The following CLDN14 variants were observed in gnomAD, a reference collection of about 807,000 sequenced individuals.
CLDN14 encodes claudin-14.
In CLDN14, 2 loss-of-function variants were observed where a neutral mutation model predicts 2.1. That is an observed-to-expected ratio of 0.96 (90% CI 0.39 to 3.01). The LOEUF (loss-of-function observed/expected upper bound fraction) is 3.01. Ranked by LOEUF, CLDN14 falls within the 30% of genes most tolerant of loss-of-function variation. CLDN14 has a pLI of 0.09. For synonymous variants in CLDN14, 136 were observed against 154.4 expected (o/e 0.88, Z 0.88); for missense variants, 298 against 328.0 (o/e 0.91, Z 0.71).
chr21:36,487,985 C>T (rs770862307), intron 2 of CLDN14, among the ~76,000 whole-genome samples: 4 of 152,178 alleles, frequency 2.6e-5, no homozygotes, highest in Non-Finnish European at 5.9e-5. Flanking sequence ...AGTAGAGACT[C>T]AAACAGGTGT....
At chr21:36,565,437 A>G (rs1479876720) in intron 1 of CLDN14, among the ~76,000 whole-genome samples, 1 of 151,572 alleles carries the variant, frequency 6.6e-6, no homozygotes, top group African/African-American at 2.4e-5. Context: ...TTTTTTAAAT[A>G]TGCAACTCTG....
rs188494171 is a variant in CLDN14, at chr21:36,498,207, G to T, written c.-82+12156C>A. 1.5e-3 allele frequency among the ~76,000 whole-genome samples: 222 copies of T among 152,186 alleles called. No individual in the cohort carries two copies. The highest frequency in any genetic ancestry group is 5.0e-3 in the African/African-American group (209 of 41,520). On this transcript the variant is annotated intron_variant, in intron 2 of 2. Transcript: ENST00000342108. This position sits in a 1 kb window ranked among gnomAD's most constrained non-coding sequence, Gnocchi z 4.9. ...GTAGAGATGGGGTTTTGCCATATTG[G>T]CCAGGCTGGTGTCGAACTCCTGACC...
At chr21:36,550,586 G>A (rs1380635387) in intron 1 of CLDN14, among the ~76,000 whole-genome samples, 1 of 152,124 alleles carries the variant, frequency 6.6e-6, no homozygotes, top group African/African-American at 2.4e-5. Flanking sequence ...CATCAGCCCG[G>A]TTTCTAACCT....
At chr21:36,557,258 GATA>G (rs2087605169) in intron 1 of CLDN14, among the ~76,000 whole-genome samples, 1 of 152,172 alleles carries the variant, frequency 6.6e-6, no homozygotes, top group African/African-American at 2.4e-5. Flanking sequence ...ACATGAGAAT[GATA>G]ATATCTGTTT....
rs971155732 is a variant in CLDN14 at position 36,499,661 on chromosome 21, T to G, written c.-82+10702A>C. ...GCCCCTGTTCCAGTCCACGTGACTC[T>G]TATGCATCATGATGTTGAGATTCAC... On this transcript the variant is annotated intron_variant, in intron 2 of 2. Transcript: ENST00000342108. This position sits in a 1 kb window ranked among gnomAD's most constrained non-coding sequence, Gnocchi z 4.7. Among the ~76,000 whole-genome samples, 1 of 152,196 alleles carries G rather than the reference T, an allele frequency of 6.6e-6. No individual in the cohort carries two copies. The highest frequency in any genetic ancestry group is 2.4e-5 in the African/African-American group (1 of 41,448).
intron 1 of CLDN14, among the ~76,000 whole-genome samples, chr21:36,514,970 A>G (rs1455886975): frequency 6.6e-6 from 1 of 152,190 alleles, no homozygotes; most frequent in Admixed American, 6.5e-5. Flanking sequence ...TTCAGGGGCC[A>G]TAAATGCTCA....
chr21:36,571,495 A>C (rs1290062589), intron 1 of CLDN14, among the ~76,000 whole-genome samples: 2 of 152,132 alleles, frequency 1.3e-5, no homozygotes, highest in Admixed American at 1.3e-4. Flanking sequence ...TGACTTACGA[A>C]ATCCCAAGCG....
chr21:36,482,209 A>G (rs2850112), upstream of CLDN14, among the ~76,000 whole-genome samples: 46,991 of 152,160 alleles, frequency 0.31, 8,366 homozygotes, highest in African/African-American at 0.5. Flanking sequence ...GGGGTAAGTG[A>G]GGATTTGGAA....
At chr21:36,493,139 G>A (rs2146465717) in intron 2 of CLDN14, among the ~76,000 whole-genome samples, 1 of 152,294 alleles carries the variant, frequency 6.6e-6, no homozygotes, top group East Asian at 1.9e-4. Flanking sequence ...CCGCCCCCGG[G>A]GAGGAGGTCG....
intron 2 of CLDN14, among the ~76,000 whole-genome samples, chr21:36,494,063 C>T (rs147952376): frequency 4.1e-4 from 62 of 152,232 alleles, no homozygotes; most frequent in African/African-American, 1.3e-3. Flanking sequence ...GGATCTTCTG[C>T]GGGGACATCA....
chr21:36,495,178 A>T (rs1432284876), intron 2 of CLDN14, among the ~76,000 whole-genome samples: 1 of 152,084 alleles, frequency 6.6e-6, no homozygotes, highest in Non-Finnish European at 1.5e-5. Context: ...AAAATACAAA[A>T]ATTAGCTGGA....
rs935064757 is a variant in CLDN14, at chr21:36,498,628, G to A, written c.-82+11735C>T. On this transcript the variant is annotated intron_variant, in intron 2 of 2. Transcript: ENST00000342108. The surrounding 1 kb of genome is among the most constrained non-coding windows in gnomAD (Gnocchi z 4.9). ...ATGGGGACGTGGAACTGGTAGGACC[G>A]ATGGCTAAGCTCTCTTCCCCTCCAC... 1.3e-5 allele frequency among the ~76,000 whole-genome samples: 2 copies of A among 152,280 alleles called. No homozygotes were observed. The highest frequency in any genetic ancestry group is 6.5e-5 in the Admixed American group (1 of 15,290).
intron 1 of CLDN14, chr21:36,532,394 G>GT (rs1368672349): frequency 1.9e-5 from 1 of 52,640 alleles, no homozygotes; most frequent in Non-Finnish European, 6.3e-5. Context: ...ATAAATAAAT[G>GT]TTTAAAAAAA....
In CLDN14 at chr21:36,499,732, G is replaced by T. The variant is rs946918882; in HGVS notation, c.-82+10631C>A. Among the ~76,000 whole-genome samples, 1 of 152,166 alleles carries T rather than the reference G, an allele frequency of 6.6e-6. No homozygotes were observed. Among genetic ancestry groups the T allele is most frequent in the African/African-American group, 2.4e-5 (1 of 41,436 alleles). On this transcript the variant is annotated intron_variant, in intron 2 of 2. Coordinates refer to the CLDN14 transcript ENST00000342108. The surrounding 1 kb of genome is among the most constrained non-coding windows in gnomAD (Gnocchi z 4.7). Reference sequence around the variant, plus strand: ...TAAATACTGATTCTTGGACTACAGAGCCAAAGACAAATCGAGTGACGTATT... The same window carrying T: ...TAAATACTGATTCTTGGACTACAGATCCAAAGACAAATCGAGTGACGTATT...
chr21:36,569,141 G>T (rs1035315976), intron 1 of CLDN14, among the ~76,000 whole-genome samples: 2 of 152,234 alleles, frequency 1.3e-5, no homozygotes, highest in South Asian at 2.1e-4. Context: ...GTCTCGGGGT[G>T]GGGGCGTGGC....
intron 1 of CLDN14, among the ~76,000 whole-genome samples, chr21:36,543,886 T>A (rs957117255): frequency 1.3e-5 from 2 of 152,262 alleles, no homozygotes; most frequent in Admixed American, 6.5e-5. Context: ...GCATTTCTCC[T>A]GTTCTTGCCT....
chr21:36,530,951 C>T (rs576397459), intron 1 of CLDN14, among the ~76,000 whole-genome samples: 25 of 152,222 alleles, frequency 1.6e-4, no homozygotes, highest in Middle Eastern at 3.4e-3. Flanking sequence ...TAATGTTAAC[C>T]GAGGTGAAGT....
chr21:36,531,627 C>G (rs910223645), intron 1 of CLDN14, among the ~76,000 whole-genome samples: 1 of 150,824 alleles, frequency 6.6e-6, no homozygotes, highest in Non-Finnish European at 1.5e-5. Flanking sequence ...TGGGGTGGGA[C>G]AGGAGGGAAT....
At chr21:36,501,168 T>C (rs75211466) in intron 2 of CLDN14, among the ~76,000 whole-genome samples, 7,555 of 152,134 alleles carry the variant, frequency 0.05, 612 homozygotes, top group African/African-American at 0.17. Context: ...TGATGGCTTA[T>C]CTGAGGGCTG....
Sources: gnomAD v4.1 joint callset for allele counts (sites outside exome capture counted in the v4.1 genomes callset) on GRCh38, gnomAD v4.1.1 for gene constraint, Gnocchi (gnomAD v3.1) non-coding constraint, MANE v1.5 for transcripts, NCBI Gene and HGNC (gene_info 2026-07-23, HGNC 2026-07-21) for gene names.